Variants in CTIF observed in about 807,000 individuals in gnomAD.
CTIF encodes the protein CBP80/20-dependent translation initiation factor.
In CTIF, 21 loss-of-function variants were observed where a neutral mutation model predicts 66.0. The ratio of observed to expected loss-of-function variants is 0.32; its 90% CI spans 0.23 to 0.46. CTIF has a LOEUF of 0.46. CTIF is among the 20% of genes least tolerant of loss of function. The pLI is 1.00. For missense variants in CTIF, 739 were observed against 812.7 expected (o/e 0.91, Z 1.10); for synonymous variants, 345 against 326.4 (o/e 1.06, Z -0.62).
chr18:48,624,544 G>A (rs1382882776), intron 2 of CTIF, among the ~76,000 whole-genome samples: 3 of 152,232 alleles, frequency 2.0e-5, no homozygotes, highest in Non-Finnish European at 4.4e-5. Flanking sequence ...TTTGGCACAT[G>A]TGATGTTCGT....
At chr18:48,782,427 C>G (rs1911319595) in intron 9 of CTIF, among the ~76,000 whole-genome samples, 1 of 152,176 alleles carries the variant, frequency 6.6e-6, no homozygotes, top group Admixed American at 6.5e-5. Flanking sequence ...CCCCTGTCCC[C>G]CCACCCGCTC....
chr18:48,816,883 C>A (rs1300414650), intron 9 of CTIF, among the ~76,000 whole-genome samples: 1 of 152,198 alleles, frequency 6.6e-6, no homozygotes, highest in Non-Finnish European at 1.5e-5. Flanking sequence ...TGGAAAAGTG[C>A]TGAGTCTGGG....
intron 6 of CTIF, chr18:48,692,531 C>T (rs2091945355): frequency 6.6e-6 from 1 of 152,176 alleles, no homozygotes; most frequent in African/African-American, 2.4e-5. Flanking sequence ...TCTTTGCTTT[C>T]TCAGAACATG....
chr18:48,704,607 C>T (rs1174354648), intron 6 of CTIF, among the ~76,000 whole-genome samples: 1 of 152,188 alleles, frequency 6.6e-6, no homozygotes, highest in African/African-American at 2.4e-5. Context: ...TAGGGAAGGA[C>T]CATCGCTCCC....
At chr18:48,641,945 A>T (rs1418844012) in intron 3 of CTIF, among the ~76,000 whole-genome samples, 1 of 152,244 alleles carries the variant, frequency 6.6e-6, no homozygotes, top group African/African-American at 2.4e-5. Context: ...CTGGCCCCAG[A>T]AAAAGATGGA....
chr18:48,674,164 A>G (rs1256267476), intron 6 of CTIF, among the ~76,000 whole-genome samples: 1 of 152,266 alleles, frequency 6.6e-6, no homozygotes, highest in Non-Finnish European at 1.5e-5. Context: ...AGAATTGATC[A>G]CATAAGATAC....
intron 9 of CTIF, among the ~76,000 whole-genome samples, chr18:48,784,355 G>A (rs1911522150): frequency 6.6e-6 from 1 of 152,256 alleles, no homozygotes; most frequent in Non-Finnish European, 1.5e-5. Flanking sequence ...GCAGAGGCAA[G>A]AAGCAGACAA....
At chr18:48,682,653 T>G (rs1236745207) in intron 6 of CTIF, among the ~76,000 whole-genome samples, 2 of 152,202 alleles carry the variant, frequency 1.3e-5, no homozygotes, top group African/African-American at 4.8e-5. Flanking sequence ...TTACCATTAT[T>G]TTGCTCAAAT....
intron 10 of CTIF, among the ~76,000 whole-genome samples, chr18:48,850,890 A>T (rs1264100633): frequency 6.6e-6 from 1 of 152,334 alleles, no homozygotes; most frequent in Non-Finnish European, 1.5e-5. Context: ...GGAGGACAGG[A>T]CATGGTCTGC....
intron 10 of CTIF, among the ~76,000 whole-genome samples, chr18:48,851,271 C>T (rs548701505): frequency 2.6e-5 from 4 of 152,266 alleles, no homozygotes; most frequent in South Asian, 2.1e-4. Flanking sequence ...CACAAAGATA[C>T]GAGAAGGGAA....
At chr18:48,548,640 C>T (rs1402232230) in intron 1 of CTIF, among the ~76,000 whole-genome samples, 2 of 152,252 alleles carry the variant, frequency 1.3e-5, no homozygotes, top group South Asian at 2.1e-4. Flanking sequence ...ATGAAGGACC[C>T]TGTGCAGACA....
intron 10 of CTIF, among the ~76,000 whole-genome samples, chr18:48,825,212 G>C (rs1482467759): frequency 6.6e-6 from 1 of 151,990 alleles, no homozygotes; most frequent in Non-Finnish European, 1.5e-5. Context: ...TCTCCCTCTG[G>C]TTGCCCCCTG....
chr18:48,843,228 C>T (rs1413363201), intron 10 of CTIF, among the ~76,000 whole-genome samples: 3 of 152,074 alleles, frequency 2.0e-5, no homozygotes, highest in African/African-American at 7.2e-5. Flanking sequence ...GAGATTTCCC[C>T]CTAGGCCAGG....
intron 9 of CTIF, among the ~76,000 whole-genome samples, chr18:48,770,456 G>A (rs1909994795): frequency 6.6e-6 from 1 of 152,278 alleles, no homozygotes; most frequent in African/African-American, 2.4e-5. Context: ...TGCAGGCCTT[G>A]TCAGAGACTC....
chr18:48,564,949 A>C (rs1599150124), intron 1 of CTIF: 2 of 152,282 alleles, frequency 1.3e-5, no homozygotes. Context: ...ATGTTATTGA[A>C]AATATGATGC....
At chr18:48,586,995 C>T (rs2089782983) in intron 1 of CTIF, among the ~76,000 whole-genome samples, 1 of 152,116 alleles carries the variant, frequency 6.6e-6, no homozygotes, top group Admixed American at 6.5e-5. Context: ...GCCAGGCTCC[C>T]CTGTTCAGAA....
intron 7 of CTIF, among the ~76,000 whole-genome samples, chr18:48,756,969 G>A (rs1908426392): frequency 6.6e-6 from 1 of 152,116 alleles, no homozygotes; most frequent in Non-Finnish European, 1.5e-5. Flanking sequence ...TAAACAAGAG[G>A]CATTTTATTT....
In CTIF at chr18:48,761,156, A is replaced by C; in HGVS notation, c.1072-234A>C. On this transcript the variant is annotated intron_variant, in intron 8 of 11. Transcript: ENST00000256413. The surrounding 1 kb of genome is among the most constrained non-coding windows in gnomAD (Gnocchi z 4.2). The stretch of plus-strand genomic sequence containing the variant: ...TATGAGAATCCTGGGTAGGAGCTAG[A>C]ACCCAAAAACAGTATCAGCCCTGGA... The C allele has an allele frequency of 2.0e-6, 1 of 492,918 alleles. No individual in the cohort carries two copies. Among genetic ancestry groups the C allele is most frequent in the Non-Finnish European group, 3.6e-6 (1 of 279,762 alleles). The allele number at this position is 492,918 out of a possible 1,614,324, so 30.5% of individuals were successfully genotyped here.
intron 9 of CTIF, among the ~76,000 whole-genome samples, chr18:48,806,810 G>A (rs372331847): frequency 6.6e-6 from 1 of 152,344 alleles, no homozygotes; most frequent in South Asian, 2.1e-4. Flanking sequence ...AGAAACCTGA[G>A]ACACTGAATG....
Sources: allele counts gnomAD v4.1 joint callset (sites outside exome capture counted in the v4.1 genomes callset), GRCh38; gene constraint gnomAD v4.1.1; non-coding constraint Gnocchi (gnomAD v3.1); transcripts MANE v1.5; gene names NCBI Gene and HGNC (gene_info 2026-07-23, HGNC 2026-07-21).